DNAH10: variants seen among roughly 807,000 people sequenced by gnomAD.
DNAH10 encodes dynein axonemal heavy chain 10, also known as axonemal beta dynein heavy chain 10.
In DNAH10, 348 loss-of-function variants were observed where a neutral mutation model predicts 506.6. That is an observed-to-expected ratio of 0.69 (90% CI 0.63 to 0.75). The LOEUF is 0.75. DNAH10 is among the 30% of genes least tolerant of loss of function. The pLI, the probability that DNAH10 is intolerant of heterozygous loss-of-function variation, is 0.00. For missense variants in DNAH10, 5,179 were observed against 5,787.1 expected, an observed-to-expected ratio of 0.89 and a Z score of 3.41; for synonymous variants, 2,059 against 2,198.6, an observed-to-expected ratio of 0.94 and a Z score of 1.78.
chr12:123,910,872 G>A (rs970420235), intron 59 of DNAH10, among the ~76,000 whole-genome samples, 200 bp downstream of exon 59: 2 of 152,026 alleles, frequency 1.3e-5, no homozygotes, highest in Non-Finnish European at 2.9e-5. Flanking sequence ...GGACAAGACC[G>A]AGGTCTGAAA....
rs751242831 is a variant in DNAH10, at chr12:123,931,661, C to A, written c.12942C>A (p.Arg4314=). The part of the protein sequence containing the change: ...QTGESSSGIS[R]DDYIGQVAKE... Reference sequence around the variant, plus strand: ...GGGAATCCAGCAGTGGTATCAGCCGCGATGATTATATTGGCCAAGTGGCCA... The same window carrying A: ...GGGAATCCAGCAGTGGTATCAGCCGAGATGATTATATTGGCCAAGTGGCCA... The change falls in exon 75 of 79, where the codon CGC becomes CGA. Residue 4314 remains arginine, a synonymous_variant. Coordinates refer to ENST00000673944, the MANE Select transcript of DNAH10 (RefSeq NM_001372106.1). 6.2e-7 allele frequency: 1 copy of A among 1,613,966 alleles called. No homozygotes were observed. Among genetic ancestry groups the A allele is most frequent in the South Asian group, 1.1e-5 (1 of 91,074 alleles).
At position 123,830,692 on chromosome 12, in the gene DNAH10, T is replaced by C. The variant is rs745364270; in HGVS notation, c.4538T>C (p.Ile1513Thr). The C allele has an allele frequency of 2.5e-6, 4 of 1,609,336 alleles. No homozygotes were observed. Among genetic ancestry groups the C allele is most frequent in the African/African-American group, 2.7e-5 (2 of 74,748 alleles). ...IVTAAIKEVA[I>T]EKAVKEILDT... Reference sequence around the variant, plus strand: ...ACAGCAGCAATCAAGGAGGTTGCCATTGAGAAGGTAAGACTTCAGTTAAAA... The same window carrying C: ...ACAGCAGCAATCAAGGAGGTTGCCACTGAGAAGGTAAGACTTCAGTTAAAA... Residue 1513 changes from isoleucine (I) to threonine (T), a missense_variant, in exon 26 of 79, where the codon ATT (isoleucine) becomes ACT (threonine). Transcript: ENST00000673944.
At position 123,857,173 on chromosome 12, in the gene DNAH10, G is replaced by A. The variant is rs557513283; in HGVS notation, c.6556G>A (p.Val2186Ile). 2.3e-5 allele frequency: 37 copies of A among 1,608,966 alleles called. 1 individual carries two copies. The South Asian group carries it at 2.9e-4, about 13-fold the overall frequency. The part of the protein sequence containing the change: ...DLFPGLDCPR[V>I]RYPDFNDAVE... ...GTTTCCTGGGCTGGACTGCCCTCGC[G>A]TCCGCTACCCTGACTTCAACGATGC... The change falls in exon 37 of 79, where the codon GTC becomes ATC. Residue 2186 changes from valine (V) to isoleucine (I), a missense_variant. Transcript: ENST00000673944.
intron 55 of DNAH10, among the ~76,000 whole-genome samples, chr12:123,898,342 CTG>C (rs1431472557): frequency 6.6e-6 from 1 of 152,228 alleles, no homozygotes; most frequent in Admixed American, 6.5e-5. Flanking sequence ...TCCTGAGTAG[CTG>C]GGACCACAGG....
chr12:123,788,967 C>T (rs1002768799), intron 10 of DNAH10, among the ~76,000 whole-genome samples: 8 of 150,212 alleles, frequency 5.3e-5, no homozygotes, highest in African/African-American at 1.5e-4. Flanking sequence ...AAAGCTTTTT[C>T]GGCTAGATGC....
In DNAH10 at chr12:123,846,118, G is replaced by T. The variant is rs775616595; in HGVS notation, c.5778G>T (p.Thr1926=). Residue 1926 remains threonine, a synonymous_variant, in exon 32 of 79, where the codon ACG becomes ACT. Coordinates refer to ENST00000673944, the MANE Select transcript of DNAH10 (RefSeq NM_001372106.1). The surrounding 1 kb of genome is among the most constrained non-coding windows in gnomAD (Gnocchi z 4.5). ...GCCTGAACGGCAGGCTGGTCATCAC[G>T]CCCCTCACCGATCGGATTTACCTGA... The part of the protein sequence containing the change: ...YMGLNGRLVI[T]PLTDRIYLTL... 1.2e-6 allele frequency: 2 copies of T among 1,613,766 alleles called. No individual in the cohort carries two copies. Among genetic ancestry groups the T allele is most frequent in the Non-Finnish European group, 1.7e-6 (2 of 1,179,852 alleles).
chr12:123,809,384 G>A (rs11834875), intron 19 of DNAH10, among the ~76,000 whole-genome samples: 9,612 of 152,134 alleles, frequency 0.063, 325 homozygotes, highest in African/African-American at 0.077. Flanking sequence ...AGTGGCTCAC[G>A]CCTGTTATCC....
intron 29 of DNAH10, 111 bp from the exon 30 acceptor site, chr12:123,841,211 C>A (rs74389883): frequency 2.7e-6 from 3 of 1,096,414 alleles, no homozygotes; most frequent in East Asian, 4.7e-5. Context: ...CTCGGCTCAC[C>A]GGTTGCCATT....
chr12:123,788,144 A>T (rs1281334309), intron 10 of DNAH10, 142 bp downstream of exon 10: 2 of 964,046 alleles, frequency 2.1e-6, no homozygotes, highest in Admixed American at 5.0e-5. Context: ...AACCTACGGA[A>T]TATACTAGAA....
chr12:123,856,205 AAATTT>A (rs1203904152), intron 36 of DNAH10, among the ~76,000 whole-genome samples: 1 of 147,476 alleles, frequency 6.8e-6, no homozygotes, highest in Admixed American at 6.8e-5. Context: ...AAATTTTATA[AAATTT>A]AATTTATATA....
chr12:123,877,630 C>G, intron 47 of DNAH10, 106 bp from the exon 48 acceptor site: 1 of 1,414,578 alleles, frequency 7.1e-7, no homozygotes, highest in East Asian at 2.6e-5. Context: ...TCATTCCTTT[C>G]TATAGCTTAG....
chr12:123,840,029 C>T (rs960417193), intron 29 of DNAH10, among the ~76,000 whole-genome samples: 4 of 152,062 alleles, frequency 2.6e-5, no homozygotes, highest in Non-Finnish European at 4.4e-5. Flanking sequence ...TGAGCCTCGG[C>T]GCTGCTGGCA....
intron 43 of DNAH10, among the ~76,000 whole-genome samples, chr12:123,869,686 C>T (rs1483058932): frequency 2.6e-5 from 4 of 152,212 alleles, no homozygotes; most frequent in African/African-American, 9.6e-5. Context: ...CACTGCACCC[C>T]AGCCAAGGCC....
chr12:123,932,620 CTT>C (rs1241174506), intron 76 of DNAH10: 1 of 154,920 alleles, frequency 6.5e-6, no homozygotes, highest in Non-Finnish European at 1.4e-5. Context: ...TTTGATAGCT[CTT>C]GTTGGATGGT....
At chr12:123,841,036 C>G (rs900186164) in intron 29 of DNAH10, among the ~76,000 whole-genome samples, 4 of 152,226 alleles carry the variant, frequency 2.6e-5, no homozygotes, top group Non-Finnish European at 5.9e-5. Context: ...GCTCCTATGT[C>G]CAGATACCTC....
chr12:123,851,022 C>T lies in DNAH10; in HGVS notation c.6237C>T (p.Asp2079=). Residue 2079 remains aspartate, a synonymous_variant, in exon 35 of 79, where the codon GAC becomes GAT. Transcript: ENST00000673944. Reference sequence around the variant, plus strand: ...GGCCTGTGGTCGTGATCGTGCCCGACCTGCAGCAGATCTGTGAGATCATGC... The same window carrying T: ...GGCCTGTGGTCGTGATCGTGCCCGATCTGCAGCAGATCTGTGAGATCATGC... ...LFRPVVVIVP[D]LQQICEIMLF... 6.2e-7 allele frequency: 1 copy of T among 1,613,640 alleles called. No individual in the cohort carries two copies. The highest frequency in any genetic ancestry group is 8.5e-7 in the Non-Finnish European group (1 of 1,179,672).
In DNAH10 at chr12:123,767,610, G is replaced by A. The variant is rs374890619; in HGVS notation, c.219G>A (p.Glu73=). ...VPEEVEVEID[E]IPVLSEEGEE... is the part of the protein sequence containing the mutation. ...CCCATTTATGTGGCCATAAAGATGA[G>A]ATACCTGTCCTGTCTGAAGAGGGAG... Residue 73 remains glutamate (E), a synonymous_variant, in exon 2 of 79, where the codon GAG becomes GAA. Coordinates refer to ENST00000673944, the MANE Select transcript of DNAH10 (RefSeq NM_001372106.1). 6.2e-7 allele frequency: 1 copy of A among 1,611,926 alleles called. No homozygotes were observed. The highest frequency in any genetic ancestry group is 8.5e-7 in the Non-Finnish European group (1 of 1,178,970).
At chr12:123,896,148 C>CACACACACACATAG (rs1383690518) in intron 54 of DNAH10, among the ~76,000 whole-genome samples, 4 of 95,272 alleles carry the variant, frequency 4.2e-5, no homozygotes, top group African/African-American at 5.2e-5. Context: ...CACACACACA[C>CACACACACACATAG]AGAGAGAGAG....
chr12:123,797,077 T>G (rs1389355731), intron 13 of DNAH10, among the ~76,000 whole-genome samples: 1 of 152,226 alleles, frequency 6.6e-6, no homozygotes, highest in African/African-American at 2.4e-5. Flanking sequence ...TTTACCGTGT[T>G]AGCCAGGATG....
Sources: allele counts gnomAD v4.1 joint callset (sites outside exome capture counted in the v4.1 genomes callset), GRCh38; gene constraint gnomAD v4.1.1; non-coding constraint Gnocchi (gnomAD v3.1); transcripts MANE v1.5; gene names NCBI Gene and HGNC (gene_info 2026-07-23, HGNC 2026-07-21).